The following TSPAN18 variants were observed in gnomAD, a reference collection of about 807,000 sequenced individuals.
The protein encoded by TSPAN18 is tetraspanin 18.
In TSPAN18, 14 loss-of-function variants were observed where a neutral mutation model predicts 27.3. The observed-to-expected ratio is 0.51, with a 90% CI of 0.34 to 0.80. The LOEUF (loss-of-function observed/expected upper bound fraction) is 0.80. Ranked by LOEUF, TSPAN18 falls within the 30% of genes least tolerant of loss-of-function variation. The pLI is 0.01. For missense variants in TSPAN18, 268 were observed against 323.9 expected, an observed-to-expected ratio of 0.83 and a Z score of 1.32; for synonymous variants, 143 against 136.5, an observed-to-expected ratio of 1.05 and a Z score of -0.33.
At chr11:44,851,239 C>G (rs905735361) in intron 2 of TSPAN18, among the ~76,000 whole-genome samples, 3 of 152,190 alleles carry the variant, frequency 2.0e-5, no homozygotes, top group African/African-American at 7.2e-5. Flanking sequence ...GACTGGCCGG[C>G]TCTGAGTGGA....
intron 1 of TSPAN18, among the ~76,000 whole-genome samples, chr11:44,750,395 C>T (rs1417391101): frequency 5.3e-5 from 8 of 152,162 alleles, no homozygotes; most frequent in Non-Finnish European, 1.2e-4. Context: ...TATTTGGAAG[C>T]TTTTGAAACA....
rs1390127969 is a variant in TSPAN18 at position 44,929,726 on chromosome 11, C to T, written c.*548C>T. On this transcript the variant is annotated 3_prime_UTR_variant, in exon 10 of 10. Coordinates refer to ENST00000520358, the MANE Select transcript of TSPAN18 (RefSeq NM_130783.5). ...CGGGGCCAAGAGTGAGCTGCTAACA[C>T]GGCATCCAAGAATGGCCCAGCTGGT... 4 of 153,428 alleles carry T rather than the reference C, an allele frequency of 2.6e-5. No individual in the cohort carries two copies. The highest frequency in any genetic ancestry group is 2.9e-5 in the Non-Finnish European group (2 of 68,972). 9.5% of individuals were successfully genotyped at this position (153,428 alleles called of 1,614,324 possible). A position where few individuals can be genotyped will look rare whatever the true frequency, so the allele number is the denominator to read the frequency against.
rs117511449 is a variant in TSPAN18, at chr11:44,820,302, T to G, written c.-152-40026T>G. Among the ~76,000 whole-genome samples, 1,264 of 152,340 alleles carry G rather than the reference T, an allele frequency of 8.3e-3. 13 individuals carry two copies. The highest frequency in any genetic ancestry group is 0.055 in the Middle Eastern group (16 of 292). ...TGCAAACCTGAATGCCTCTTGCTGT[T>G]AGGTGGGGCCTTCCACACCCAGCCA... On this transcript the variant is annotated intron_variant, in intron 2 of 9. Coordinates refer to ENST00000520358, the MANE Select transcript of TSPAN18 (RefSeq NM_130783.5).
At chr11:44,802,720 G>A (rs752882090) in intron 2 of TSPAN18, among the ~76,000 whole-genome samples, 1 of 152,052 alleles carries the variant, frequency 6.6e-6, no homozygotes, top group African/African-American at 2.4e-5. Flanking sequence ...GGACTCCAGG[G>A]CCTCTAGATG....
At chr11:44,872,336 C>T (rs780713850) in intron 3 of TSPAN18, among the ~76,000 whole-genome samples, 11 of 152,180 alleles carry the variant, frequency 7.2e-5, no homozygotes, top group South Asian at 2.1e-4. Context: ...CCAATGAAGT[C>T]ACGTTGGGGG....
intron 3 of TSPAN18, among the ~76,000 whole-genome samples, chr11:44,865,945 A>C (rs1366779599): frequency 6.6e-6 from 1 of 152,252 alleles, no homozygotes; most frequent in Non-Finnish European, 1.5e-5. Context: ...GAGCCGAACC[A>C]CATTCAGTCC....
At chr11:44,848,853 C>T (rs180731846) in intron 2 of TSPAN18, among the ~76,000 whole-genome samples, 2 of 152,182 alleles carry the variant, frequency 1.3e-5, no homozygotes, top group East Asian at 3.9e-4. Flanking sequence ...GGGCTCCCCC[C>T]ACCCCCCTGG....
chr11:44,872,594 C>T (rs1295587722), intron 3 of TSPAN18, among the ~76,000 whole-genome samples: 3 of 152,220 alleles, frequency 2.0e-5, no homozygotes, highest in African/African-American at 4.8e-5. Flanking sequence ...ATACAGTTCA[C>T]ATGTTATTTA....
chr11:44,760,135 G>C (rs534471969), intron 1 of TSPAN18, among the ~76,000 whole-genome samples: 2 of 152,318 alleles, frequency 1.3e-5, no homozygotes, highest in South Asian at 4.1e-4. Flanking sequence ...GCCTGGAAAG[G>C]AATTGGGGAT....
chr11:44,778,291 G>A (rs1340929915), intron 2 of TSPAN18, among the ~76,000 whole-genome samples: 1 of 152,116 alleles, frequency 6.6e-6, no homozygotes, highest in Admixed American at 6.5e-5. Context: ...TATGGGGAGA[G>A]GGGAGTTTCT....
chr11:44,797,889 G>T (rs1856386284), intron 2 of TSPAN18, among the ~76,000 whole-genome samples: 1 of 152,234 alleles, frequency 6.6e-6, no homozygotes, highest in African/African-American at 2.4e-5. Flanking sequence ...CAGCAGAGAA[G>T]TTTAGGAACG....
intron 2 of TSPAN18, among the ~76,000 whole-genome samples, chr11:44,777,032 CAGG>C (rs1855826486): frequency 6.6e-6 from 1 of 152,194 alleles, no homozygotes; most frequent in African/African-American, 2.4e-5. Context: ...GGTGCTTCCC[CAGG>C]CCTGGTTCTA....
intron 8 of TSPAN18, 145 bp from the exon 9 acceptor site, chr11:44,926,529 C>A: frequency 1.4e-6 from 1 of 739,734 alleles, no homozygotes; most frequent in Non-Finnish European, 2.4e-6. Context: ...GCCCTGCACC[C>A]CCTCCCCACT....
chr11:44,868,883 C>G (rs559662363), intron 3 of TSPAN18, among the ~76,000 whole-genome samples: 341 of 152,342 alleles, frequency 2.2e-3, no homozygotes, highest in African/African-American at 7.7e-3. Context: ...AATGCATCCA[C>G]TGCTGGTGCT....
At chr11:44,895,703 T>TA in intron 3 of TSPAN18, among the ~76,000 whole-genome samples, 1 of 152,150 alleles carries the variant, frequency 6.6e-6, no homozygotes, top group Non-Finnish European at 1.5e-5. Flanking sequence ...CGCCAGACAT[T>TA]CCCCAGAGTT....
chr11:44,921,317 C>T (rs1204295001), intron 8 of TSPAN18, among the ~76,000 whole-genome samples: 4 of 152,126 alleles, frequency 2.6e-5, no homozygotes, highest in African/African-American at 4.8e-5. Context: ...GTGTTGCCTT[C>T]GCCAAGACAC....
intron 3 of TSPAN18, chr11:44,897,668 C>A: frequency 3.5e-6 from 3 of 846,346 alleles, no homozygotes; most frequent in Non-Finnish European, 5.1e-6. Context: ...ATCTGGAGGG[C>A]GGGTTTTCAT....
At chr11:44,753,058 A>G (rs1397358231) in intron 1 of TSPAN18, among the ~76,000 whole-genome samples, 1 of 152,204 alleles carries the variant, frequency 6.6e-6, no homozygotes, top group Non-Finnish European at 1.5e-5. Flanking sequence ...AACAGTATCC[A>G]TATATTCTTT....
chr11:44,882,627 C>CACACACACACACACACACACACAG (rs375349718), intron 3 of TSPAN18, among the ~76,000 whole-genome samples: 3 of 130,608 alleles, frequency 2.3e-5, no homozygotes, highest in African/African-American at 3.0e-5. Context: ...CACACACACA[C>CACACACACACACACACACACACAG]AGAGAGAGAG....
Sources: gnomAD v4.1 joint callset for allele counts (sites outside exome capture counted in the v4.1 genomes callset) on GRCh38, gnomAD v4.1.1 for gene constraint, MANE v1.5 for transcripts, NCBI Gene and HGNC (gene_info 2026-07-23, HGNC 2026-07-21) for gene names.